The following CSMD1 variants were observed in gnomAD, a reference collection of about 807,000 sequenced individuals.
The protein encoded by CSMD1 is CUB and Sushi multiple domains 1.
A neutral mutation model predicts 417.5 loss-of-function variants in CSMD1; 213 were observed. The observed-to-expected ratio is 0.51, with a 90% CI of 0.46 to 0.57. The LOEUF (loss-of-function observed/expected upper bound fraction) is 0.57, where lower values mean the gene tolerates loss of function less well. Among genes scored for constraint, CSMD1 ranks in the 20% least tolerant of loss-of-function variants. The pLI is 0.00. For missense variants in CSMD1, 6,923 were observed against 4,529.7 expected (o/e 1.53, Z -15.17); for synonymous variants, 2,862 against 1,736.8 (o/e 1.65, Z -16.11).
At chr8:4,135,337 A>AGGG (rs544812219) in intron 3 of CSMD1, among the ~76,000 whole-genome samples, 1 of 33,818 alleles carries the variant, frequency 3.0e-5, no homozygotes, top group Non-Finnish European at 6.3e-5. Context: ...GGAAGGGGAA[A>AGGG]GAAGGAAGGA....
intron 18 of CSMD1, among the ~76,000 whole-genome samples, chr8:3,381,809 T>G (rs948698320): frequency 8.5e-5 from 13 of 152,206 alleles, no homozygotes; most frequent in African/African-American, 2.7e-4. Context: ...CCTAGTTATC[T>G]CTGAAGAGGC....
intron 1 of CSMD1, among the ~76,000 whole-genome samples, chr8:4,906,306 C>G (rs1447476979): frequency 1.3e-5 from 2 of 152,168 alleles, no homozygotes; most frequent in African/African-American, 4.8e-5. Context: ...AGTTAACACT[C>G]TTTATATGCT....
chr8:4,698,894 T>C (rs1423402934), intron 1 of CSMD1, among the ~76,000 whole-genome samples: 1 of 145,546 alleles, frequency 6.9e-6, no homozygotes, highest in African/African-American at 2.7e-5. Flanking sequence ...AACATGTGCA[T>C]ACCCTCCCAA....
intron 51 of CSMD1, among the ~76,000 whole-genome samples, chr8:3,025,298 G>T (rs1012444196): frequency 6.6e-6 from 1 of 151,584 alleles, no homozygotes; most frequent in Admixed American, 6.6e-5. Context: ...CTGAAACTGT[G>T]TATTGTCTGG....
At chr8:4,216,196 T>A (rs185677060) in intron 3 of CSMD1, among the ~76,000 whole-genome samples, 1 of 152,300 alleles carries the variant, frequency 6.6e-6, no homozygotes, top group African/African-American at 2.4e-5. Flanking sequence ...TTGTCAACAT[T>A]GCGATGGCCT....
At chr8:3,456,762 C>T (rs984224360) in intron 12 of CSMD1, among the ~76,000 whole-genome samples, 6 of 152,082 alleles carry the variant, frequency 3.9e-5, no homozygotes, top group African/African-American at 1.4e-4. Flanking sequence ...GGAGGAAAGC[C>T]TGCAGATGAC....
chr8:3,839,769 G>T (rs954749252), intron 5 of CSMD1, among the ~76,000 whole-genome samples: 1 of 151,344 alleles, frequency 6.6e-6, no homozygotes, highest in Non-Finnish European at 1.5e-5. Flanking sequence ...ACTGCTCAGA[G>T]AGTTTATATT....
At chr8:3,261,116 A>C (rs1801030193) in intron 26 of CSMD1, among the ~76,000 whole-genome samples, 2 of 152,236 alleles carry the variant, frequency 1.3e-5, no homozygotes, top group African/African-American at 4.8e-5. Context: ...CAGAGATATC[A>C]CTGCATCCTT....
chr8:4,840,308 T>G (rs778610053), intron 1 of CSMD1, among the ~76,000 whole-genome samples: 9 of 152,228 alleles, frequency 5.9e-5, no homozygotes, highest in Admixed American at 2.6e-4. Context: ...CTCTTCCACC[T>G]TCTATTCAGC....
intron 12 of CSMD1, among the ~76,000 whole-genome samples, chr8:3,459,012 C>G (rs989214711): frequency 6.6e-6 from 1 of 152,182 alleles, no homozygotes; most frequent in African/African-American, 2.4e-5. Flanking sequence ...GGGTTGTTTC[C>G]TACCCGCAAG....
intron 1 of CSMD1, among the ~76,000 whole-genome samples, chr8:4,958,967 A>G (rs1439308830): frequency 6.6e-6 from 1 of 152,188 alleles, no homozygotes; most frequent in East Asian, 1.9e-4. Flanking sequence ...TGAGAATTAC[A>G]AAATTAAAAA....
At chr8:4,417,332 G>C (rs1797000051) in intron 3 of CSMD1, among the ~76,000 whole-genome samples, 1 of 151,922 alleles carries the variant, frequency 6.6e-6, no homozygotes, top group Non-Finnish European at 1.5e-5. Context: ...TGTAAATAAA[G>C]CCTATTCCAA....
At chr8:4,086,077 T>C (rs756527854) in intron 3 of CSMD1, among the ~76,000 whole-genome samples, 7 of 152,324 alleles carry the variant, frequency 4.6e-5, no homozygotes, top group Admixed American at 1.3e-4. Context: ...ACGTATTTTT[T>C]CCATATTTAA....
chr8:4,326,690 G>A (rs535520260), intron 3 of CSMD1, among the ~76,000 whole-genome samples: 4 of 152,132 alleles, frequency 2.6e-5, no homozygotes, highest in Non-Finnish European at 5.9e-5. Context: ...CTGGACTCAA[G>A]AACATGAAAC....
intron 5 of CSMD1, among the ~76,000 whole-genome samples, chr8:3,845,424 A>G (rs1037025319): frequency 2.0e-5 from 3 of 152,178 alleles, no homozygotes; most frequent in Admixed American, 6.6e-5. Context: ...ATAGATATCT[A>G]TGTATCTAAG....
intron 50 of CSMD1, among the ~76,000 whole-genome samples, chr8:3,030,209 G>A (rs531703536): frequency 1.3e-5 from 2 of 152,050 alleles, no homozygotes; most frequent in South Asian, 2.1e-4. Context: ...GGACTTCAAG[G>A]ACTTTCTAAA....
chr8:4,016,164 G>C (rs910199160), intron 4 of CSMD1, among the ~76,000 whole-genome samples: 4 of 152,146 alleles, frequency 2.6e-5, no homozygotes, highest in Admixed American at 6.5e-5. Flanking sequence ...TAAAAGCATT[G>C]AACGTTCATA....
intron 1 of CSMD1, among the ~76,000 whole-genome samples, chr8:4,687,617 G>A (rs759164972): frequency 3.8e-4 from 58 of 152,164 alleles, no homozygotes; most frequent in Non-Finnish European, 1.9e-4. Context: ...GTATTTTCCC[G>A]GTGAATTATG....
At chr8:4,756,785 G>T (rs537867001) in intron 1 of CSMD1, among the ~76,000 whole-genome samples, 1 of 152,112 alleles carries the variant, frequency 6.6e-6, no homozygotes, top group Non-Finnish European at 1.5e-5. Flanking sequence ...GGCATTTTAG[G>T]TCTATATTTT....
Sources: gnomAD v4.1 joint callset for allele counts (sites outside exome capture counted in the v4.1 genomes callset) on GRCh38, gnomAD v4.1.1 for gene constraint, MANE v1.5 for transcripts, NCBI Gene and HGNC (gene_info 2026-07-23, HGNC 2026-07-21) for gene names.